SPINT2: variants seen among roughly 807,000 people sequenced by gnomAD.
SPINT2 encodes serine peptidase inhibitor, Kunitz type 2.
SPINT2 carries 18 observed loss-of-function variants against 30.1 expected under a neutral mutation model. The observed-to-expected ratio is 0.60, with a 90% CI of 0.41 to 0.89. The LOEUF is 0.89. Ranked by LOEUF, SPINT2 falls within the 40% of genes least tolerant of loss-of-function variation. The pLI is 0.00. For missense variants in SPINT2, 276 were observed against 334.3 expected, an observed-to-expected ratio of 0.83 and a Z score of 1.36; for synonymous variants, 139 against 137.9, an observed-to-expected ratio of 1.01 and a Z score of -0.05.
chr19:38,271,134 G>T (rs1968450223), intron 1 of SPINT2, among the ~76,000 whole-genome samples: 1 of 152,176 alleles, frequency 6.6e-6, no homozygotes, highest in East Asian at 1.9e-4. Flanking sequence ...TGAAGTAGGA[G>T]CTAGAGTTTA....
At chr19:38,271,860 C>T (rs766654381) in intron 1 of SPINT2, among the ~76,000 whole-genome samples, 3 of 151,760 alleles carry the variant, frequency 2.0e-5, no homozygotes, top group Non-Finnish European at 4.4e-5. Context: ...GTTTTACTCA[C>T]ACGTGTTGGA....
At chr19:38,283,858 T>G in intron 2 of SPINT2, 61 bp downstream of exon 2, 3 of 1,097,640 alleles carry the variant, frequency 2.7e-6, no homozygotes, top group Admixed American at 2.6e-5. Flanking sequence ...TTTTTTTTTT[T>G]TGAGACGGAG....
chr19:38,287,816 T>G (rs1391449049), intron 2 of SPINT2, 60 bp from the exon 3 acceptor site: 10 of 1,582,760 alleles, frequency 6.3e-6, no homozygotes, highest in Non-Finnish European at 8.7e-6. Flanking sequence ...CAGCTCATTC[T>G]TTGTCCCTGG....
Position 38,290,111 on chromosome 19 carries a change from A to G in SPINT2, c.392-8A>G. On this transcript the variant is annotated splice_region_variant and splice_polypyrimidine_tract_variant and intron_variant, in intron 4 of 6. Transcript: ENST00000301244. The surrounding 1 kb of genome is among the most constrained non-coding windows in gnomAD (Gnocchi z 4.3). ...TAATTTGTATTCCCTGGGCTGTCTTACTCCTAGAATACTGCACCGCCAACG... is the reference window on the plus strand; with the variant it reads ...TAATTTGTATTCCCTGGGCTGTCTTGCTCCTAGAATACTGCACCGCCAACG... The G allele has an allele frequency of 6.2e-7, 1 of 1,612,120 alleles. No homozygotes were observed. Among genetic ancestry groups the G allele is most frequent in the East Asian group, 2.2e-5 (1 of 44,862 alleles).
At chr19:38,266,236 G>A (rs1968376662) in intron 1 of SPINT2, among the ~76,000 whole-genome samples, 1 of 152,184 alleles carries the variant, frequency 6.6e-6, no homozygotes, top group Non-Finnish European at 1.5e-5. Flanking sequence ...AGGATGGGAG[G>A]TGGGAGAGGT....
chr19:38,283,218 G>A (rs1968600964), intron 1 of SPINT2, among the ~76,000 whole-genome samples: 1 of 152,060 alleles, frequency 6.6e-6, no homozygotes, highest in Non-Finnish European at 1.5e-5. Context: ...AGGAGGGTGA[G>A]GCAAAAGAAT....
At chr19:38,268,127 G>A (rs564916936) in intron 1 of SPINT2, among the ~76,000 whole-genome samples, 7 of 152,202 alleles carry the variant, frequency 4.6e-5, no homozygotes, top group African/African-American at 1.4e-4. Context: ...GAGAGTGAGG[G>A]TTAACTCAGG....
At chr19:38,280,783 G>A (rs764293108) in intron 1 of SPINT2, among the ~76,000 whole-genome samples, 2 of 152,176 alleles carry the variant, frequency 1.3e-5, no homozygotes, top group African/African-American at 4.8e-5. Flanking sequence ...TGGGCGCCGG[G>A]TGTTGTTGGG....
At chr19:38,288,434 G>A (rs1465226246) in intron 3 of SPINT2, 2 of 254,116 alleles carry the variant, frequency 7.9e-6, no homozygotes, top group East Asian at 2.0e-4. Flanking sequence ...GCTTTGTAGT[G>A]CTGGCGGCTG....
chr19:38,290,430 C>T lies in SPINT2; in HGVS notation c.554-107C>T. 1 of 1,600,152 alleles carries T rather than the reference C, an allele frequency of 6.2e-7. No individual in the cohort carries two copies. The highest frequency in any genetic ancestry group is 1.7e-5 in the Admixed American group (1 of 59,126). On this transcript the variant is annotated intron_variant, in intron 5 of 6. Transcript: ENST00000301244. This position sits in a 1 kb window ranked among gnomAD's most constrained non-coding sequence, Gnocchi z 4.3. Reference sequence around the variant, plus strand: ...AAGCCCCAGAAAAGCTGGAAGAAAGCCCCTCAGAAAGAGCTCCCCATGGAG... The same window carrying T: ...AAGCCCCAGAAAAGCTGGAAGAAAGTCCCTCAGAAAGAGCTCCCCATGGAG...
chr19:38,285,793 A>G (rs375450436), intron 2 of SPINT2, among the ~76,000 whole-genome samples: 55 of 152,196 alleles, frequency 3.6e-4, no homozygotes, highest in East Asian at 1.7e-3. Context: ...CTGTATTTCT[A>G]TCGTCAGCTG....
intron 2 of SPINT2, among the ~76,000 whole-genome samples, chr19:38,287,030 C>T (rs1968650271): frequency 6.6e-6 from 1 of 152,092 alleles, no homozygotes; most frequent in Non-Finnish European, 1.5e-5. Flanking sequence ...TTGTTTCTTT[C>T]TTTGAGACGG....
intron 1 of SPINT2, among the ~76,000 whole-genome samples, chr19:38,271,343 T>G (rs1968453458): frequency 1.3e-5 from 2 of 150,062 alleles, no homozygotes; most frequent in African/African-American, 4.9e-5. Flanking sequence ...TACAAAAAAA[T>G]TAGCCTCGCG....
chr19:38,275,505 A>G (rs1968506127), intron 1 of SPINT2, among the ~76,000 whole-genome samples: 1 of 151,764 alleles, frequency 6.6e-6, no homozygotes, highest in Non-Finnish European at 1.5e-5. Flanking sequence ...TTATATTTTT[A>G]GTAGAGATGG....
chr19:38,281,753 C>A (rs1485618005), intron 1 of SPINT2, among the ~76,000 whole-genome samples: 2 of 151,968 alleles, frequency 1.3e-5, no homozygotes, highest in Non-Finnish European at 2.9e-5. Context: ...TTAAGTATAT[C>A]ATCCAAGGAT....
At chr19:38,273,857 T>C (rs1172985670) in intron 1 of SPINT2, among the ~76,000 whole-genome samples, 2 of 152,226 alleles carry the variant, frequency 1.3e-5, no homozygotes, top group East Asian at 3.8e-4. Context: ...TGTCATTCTC[T>C]TTATTCTGAC....
intron 1 of SPINT2, among the ~76,000 whole-genome samples, chr19:38,279,824 T>C (rs1255952158): frequency 2.0e-5 from 3 of 152,126 alleles, no homozygotes; most frequent in Non-Finnish European, 4.4e-5. Flanking sequence ...CAGCTAATTT[T>C]TGTATTTTTA....
intron 1 of SPINT2, among the ~76,000 whole-genome samples, chr19:38,274,244 G>A (rs540721314): frequency 2.0e-5 from 3 of 151,570 alleles, no homozygotes; most frequent in Admixed American, 1.3e-4. Context: ...AAAGAAAGCT[G>A]TGTGCTAAAT....
At chr19:38,271,701 T>A (rs1403852948) in intron 1 of SPINT2, among the ~76,000 whole-genome samples, 1 of 151,574 alleles carries the variant, frequency 6.6e-6, no homozygotes, top group Non-Finnish European at 1.5e-5. Context: ...CCGGGTGCAG[T>A]GGCAGGCGCC....
Sources: allele counts gnomAD v4.1 joint callset (sites outside exome capture counted in the v4.1 genomes callset), GRCh38; gene constraint gnomAD v4.1.1; non-coding constraint Gnocchi (gnomAD v3.1); transcripts MANE v1.5; gene names NCBI Gene and HGNC (gene_info 2026-07-23, HGNC 2026-07-21).